TENM4: variants seen among roughly 807,000 people sequenced by gnomAD.
TENM4 encodes teneurin transmembrane protein 4, also known as teneurin-4.
A neutral mutation model predicts 243.3 loss-of-function variants in TENM4; 82 were observed. The ratio of observed to expected loss-of-function variants is 0.34; its 90% CI spans 0.28 to 0.40. TENM4 has a LOEUF of 0.40. Ranked by LOEUF, TENM4 falls within the 10% of genes least tolerant of loss-of-function variation. The probability of loss-of-function intolerance (pLI) is 1.00; values close to 1 mark genes in which losing one functional copy is unlikely to be tolerated. For missense variants in TENM4, 3,138 were observed against 3,673.3 expected (o/e 0.85, Z 3.77); for synonymous variants, 1,412 against 1,456.3 (o/e 0.97, Z 0.69).
chr11:78,999,006 C>T (rs1294247712), intron 6 of TENM4, among the ~76,000 whole-genome samples: 1 of 152,186 alleles, frequency 6.6e-6, no homozygotes, highest in Non-Finnish European at 1.5e-5. Context: ...ATGTATTTCC[C>T]TTCATCTCAC....
At chr11:79,338,917 A>G (rs1857196564) in intron 1 of TENM4, among the ~76,000 whole-genome samples, 1 of 152,208 alleles carries the variant, frequency 6.6e-6, no homozygotes, top group African/African-American at 2.4e-5. Flanking sequence ...CAAGACCAAC[A>G]TGGAAGTTGA....
At chr11:79,143,445 A>G (rs1051704352) in intron 4 of TENM4, among the ~76,000 whole-genome samples, 1 of 152,104 alleles carries the variant, frequency 6.6e-6, no homozygotes, top group Non-Finnish European at 1.5e-5. Context: ...CAAACACTGC[A>G]TGTTCTCACT....
intron 3 of TENM4, among the ~76,000 whole-genome samples, chr11:79,177,020 C>T (rs78875278): frequency 5.3e-5 from 8 of 152,144 alleles, no homozygotes; most frequent in South Asian, 2.1e-4. Context: ...ACTAACCATA[C>T]CCCTGACAGA....
intron 17 of TENM4, among the ~76,000 whole-genome samples, chr11:78,771,396 C>G (rs1783950): frequency 0.56 from 85,668 of 152,050 alleles, 28,132 homozygotes; most frequent in Non-Finnish European, 0.76. Context: ...ACACCTTCTG[C>G]ATCTAAAAGC....
intron 18 of TENM4, among the ~76,000 whole-genome samples, chr11:78,758,123 T>G (rs1856352342): frequency 6.6e-6 from 1 of 152,206 alleles, no homozygotes; most frequent in Non-Finnish European, 1.5e-5. Flanking sequence ...ACAGTCTATG[T>G]GCTTTGTCGG....
chr11:78,907,008 G>A (rs746730715), intron 6 of TENM4, among the ~76,000 whole-genome samples: 17 of 152,144 alleles, frequency 1.1e-4, no homozygotes, highest in Non-Finnish European at 2.1e-4. Context: ...GTCTATGCAG[G>A]CCTTCACTTA....
At chr11:79,025,568 T>C (rs958897958) in intron 6 of TENM4, among the ~76,000 whole-genome samples, 1 of 152,264 alleles carries the variant, frequency 6.6e-6, no homozygotes, top group Middle Eastern at 3.4e-3. Flanking sequence ...ATAGATACTC[T>C]GTGGTAGGTA....
chr11:79,099,139 T>C (rs1013323962), intron 4 of TENM4, among the ~76,000 whole-genome samples: 2 of 152,264 alleles, frequency 1.3e-5, no homozygotes, highest in South Asian at 2.1e-4. Context: ...CCTCCTCCTG[T>C]TGGAGGAGCT....
At chr11:79,151,743 C>T (rs1335930921) in intron 3 of TENM4, among the ~76,000 whole-genome samples, 1 of 152,106 alleles carries the variant, frequency 6.6e-6, no homozygotes, top group African/African-American at 2.4e-5. Flanking sequence ...TGAACCTAGA[C>T]ACTCCCCCTA....
chr11:78,758,390 C>T (rs1445709574), intron 18 of TENM4, among the ~76,000 whole-genome samples: 1 of 152,218 alleles, frequency 6.6e-6, no homozygotes, highest in Non-Finnish European at 1.5e-5. Context: ...AACTTCATCC[C>T]ATTGAGGTAA....
intron 1 of TENM4, among the ~76,000 whole-genome samples, chr11:79,353,444 T>C (rs1175427425): frequency 6.6e-6 from 1 of 152,010 alleles, no homozygotes; most frequent in Non-Finnish European, 1.5e-5. Flanking sequence ...CTTAACGTGG[T>C]TTTTGGGGAA....
At position 78,937,004 on chromosome 11, in the gene TENM4, T is replaced by C. The variant is rs141152856; in HGVS notation, c.494-33481A>G. On this transcript the variant is annotated intron_variant, in intron 6 of 33. Coordinates refer to ENST00000278550, the MANE Select transcript of TENM4 (RefSeq NM_001098816.3). ...TGACACTTAAAGAATCCTTCAAAAA[T>C]GCTTCCCTTCTCAGAAACACATCAA... Among the ~76,000 whole-genome samples, 97 of 152,260 alleles carry C rather than the reference T, an allele frequency of 6.4e-4. 1 individual carries two copies. Among genetic ancestry groups the C allele is most frequent in the East Asian group, 5.2e-3 (27 of 5,184 alleles).
At chr11:78,864,428 C>T (rs1858909235) in intron 9 of TENM4, among the ~76,000 whole-genome samples, 1 of 89,406 alleles carries the variant, frequency 1.1e-5, no homozygotes, top group Non-Finnish European at 2.0e-5. Flanking sequence ...AGCGAGACTC[C>T]GTCTCAAAAA....
In TENM4 at chr11:78,913,265, T is replaced by C. The variant is rs1181106593; in HGVS notation, c.494-9742A>G. Among the ~76,000 whole-genome samples the C allele has an allele frequency of 2.0e-5, 3 of 152,196 alleles. No homozygotes were observed. In the South Asian group the frequency reaches 6.2e-4, roughly 32 times the overall value. On this transcript the variant is annotated intron_variant, in intron 6 of 33. Coordinates refer to ENST00000278550, the MANE Select transcript of TENM4 (RefSeq NM_001098816.3). Reference sequence around the variant, plus strand: ...TTTCTTTTACAAACATCACTTTTTATATGCCTTGTCCTCGATACTGGAGAC... The same window carrying C: ...TTTCTTTTACAAACATCACTTTTTACATGCCTTGTCCTCGATACTGGAGAC...
chr11:78,849,497 T>C (rs1415767238), intron 12 of TENM4, among the ~76,000 whole-genome samples: 1 of 152,210 alleles, frequency 6.6e-6, no homozygotes, highest in Non-Finnish European at 1.5e-5. Context: ...AACATATCTA[T>C]TGTCTAAACT....
At chr11:79,295,515 C>T (rs1856434603) in intron 2 of TENM4, among the ~76,000 whole-genome samples, 1 of 152,164 alleles carries the variant, frequency 6.6e-6, no homozygotes, top group African/African-American at 2.4e-5. Flanking sequence ...AAGTGTCCTG[C>T]CGCAACAACT....
intron 4 of TENM4, among the ~76,000 whole-genome samples, chr11:79,138,864 A>G (rs1168858356): frequency 8.5e-6 from 1 of 117,918 alleles, no homozygotes; most frequent in Admixed American, 1.0e-4. Flanking sequence ...TACAAAATAT[A>G]CCTTATATTT....
At chr11:79,436,769 C>A (rs937837252) in intron 1 of TENM4, among the ~76,000 whole-genome samples, 1 of 152,194 alleles carries the variant, frequency 6.6e-6, no homozygotes, top group African/African-American at 2.4e-5. Flanking sequence ...CAAACAGAGG[C>A]CTTGATGAAA....
At chr11:79,355,443 G>T (rs919816119) in intron 1 of TENM4, among the ~76,000 whole-genome samples, 5 of 149,780 alleles carry the variant, frequency 3.3e-5, no homozygotes, top group Non-Finnish European at 7.4e-5. Context: ...TGAGGCAAGA[G>T]AATTGCTTGA....
Sources: gnomAD v4.1 joint callset for allele counts (sites outside exome capture counted in the v4.1 genomes callset) on GRCh38, gnomAD v4.1.1 for gene constraint, MANE v1.5 for transcripts, NCBI Gene and HGNC (gene_info 2026-07-23, HGNC 2026-07-21) for gene names.